The following TPPP variants were observed in gnomAD, a reference collection of about 807,000 sequenced individuals.
The protein encoded by TPPP is tubulin polymerization-promoting protein.
Under a neutral mutation model 15.5 loss-of-function variants are expected in TPPP, and 6 were observed. The observed-to-expected ratio is 0.39, with a 90% CI of 0.21 to 0.77. The LOEUF is 0.77. TPPP is among the 30% of genes least tolerant of loss of function. The pLI is 0.42. For missense variants in TPPP, 269 were observed against 307.2 expected (o/e 0.88, Z 0.93); for synonymous variants, 146 against 133.9 (o/e 1.09, Z -0.63).
At chr5:667,977 C>CTGG (rs530410964) in intron 2 of TPPP, among the ~76,000 whole-genome samples, 1 of 48,520 alleles carries the variant, frequency 2.1e-5, no homozygotes, top group East Asian at 5.3e-4. Flanking sequence ...GACAAGCACA[C>CTGG]AGAGAGGGGG....
rs1404319700 is a variant in TPPP at position 664,925 on chromosome 5, T to C, written c.*177A>G. The C allele has an allele frequency of 1.5e-6, 1 of 677,646 alleles. No homozygotes were observed. The allele number at this position is 677,646 out of a possible 1,614,324, so 42.0% of individuals were successfully genotyped here. A position where few individuals can be genotyped will look rare whatever the true frequency, so the allele number is the denominator to read the frequency against. ...CAAACCTGGTTTGAGAGGGGAGTGCTGGGGGCATCCGGTAGGAGGAGGGGC... is the reference window on the plus strand; with the variant it reads ...CAAACCTGGTTTGAGAGGGGAGTGCCGGGGGCATCCGGTAGGAGGAGGGGC... On this transcript the variant is annotated 3_prime_UTR_variant, in exon 4 of 4. Coordinates refer to ENST00000360578, the MANE Select transcript of TPPP (RefSeq NM_007030.3).
At chr5:671,438 C>T (rs558483749) in intron 2 of TPPP, among the ~76,000 whole-genome samples, 1 of 152,302 alleles carries the variant, frequency 6.6e-6, no homozygotes, top group Admixed American at 6.5e-5. Context: ...GGGCTTTGGT[C>T]TGTGCACCTG....
chr5:694,266 C>G (rs114467447), upstream of TPPP, among the ~76,000 whole-genome samples: 9,723 of 149,766 alleles, frequency 0.065, 327 homozygotes, highest in African/African-American at 0.23. Context: ...CAGGGCGGTT[C>G]TGTGGTGCTG....
chr5:668,936 C>G (rs1010701167), intron 2 of TPPP, among the ~76,000 whole-genome samples: 1 of 152,186 alleles, frequency 6.6e-6, no homozygotes, highest in East Asian at 1.9e-4. Flanking sequence ...GGGTGATTCC[C>G]AGACCCCAAG....
rs3762954 is a variant in TPPP at position 662,840 on chromosome 5, T to C, written c.*2262A>G. Reference sequence around the variant, plus strand: ...GGGCTTTGGAGTTGTGATGGGCTGTTATCGGGTGATTCCGGTGGCCACTCG... The same window carrying C: ...GGGCTTTGGAGTTGTGATGGGCTGTCATCGGGTGATTCCGGTGGCCACTCG... On this transcript the variant is annotated 3_prime_UTR_variant, in exon 4 of 4. Transcript: ENST00000360578. 29,080 of 125,862 alleles carry C rather than the reference T, an allele frequency of 0.23. 4,073 individuals are homozygous for C. Among genetic ancestry groups the C allele is most frequent in the Admixed American group, 0.28 (3,351 of 11,828 alleles). 7.8% of individuals were successfully genotyped at this position (125,862 alleles called of 1,614,324 possible).
At chr5:686,201 G>A (rs35667696) in intron 1 of TPPP, among the ~76,000 whole-genome samples, 2,561 of 152,324 alleles carry the variant, frequency 0.017, 56 homozygotes, top group African/African-American at 0.058. Flanking sequence ...TAGAGATCCC[G>A]GCTGGCTCAT....
At chr5:699,177 C>T in the TPPP span, among the ~76,000 whole-genome samples, 2 of 152,058 alleles carry the variant, frequency 1.3e-5, no homozygotes, top group Non-Finnish European at 2.9e-5. Context: ...CCCAACTAGC[C>T]AAAGCAATCC....
chr5:697,166 G>T (rs1219013462), upstream of TPPP, among the ~76,000 whole-genome samples: 1 of 143,504 alleles, frequency 7.0e-6, no homozygotes, highest in African/African-American at 2.5e-5. Context: ...CAGGTTCCGG[G>T]TCTTGCTGCC....
At chr5:677,603 G>T in intron 2 of TPPP, 147 bp downstream of exon 2, 1 of 700,406 alleles carries the variant, frequency 1.4e-6, no homozygotes, top group Non-Finnish European at 2.2e-6. Context: ...AGGCTCCCAT[G>T]TCAGGGCTGC....
upstream of TPPP, among the ~76,000 whole-genome samples, chr5:694,199 G>C (rs1211255932): frequency 2.6e-5 from 4 of 151,642 alleles, no homozygotes; most frequent in Non-Finnish European, 5.9e-5. Context: ...ATTCCGCCCG[G>C]GGCTGCCCGG....
Position 676,826 on chromosome 5 carries a change from G to GA in TPPP, c.311+923_311+924insT, listed in dbSNP as rs1561088241. Among the ~76,000 whole-genome samples the GA allele has an allele frequency of 8.8e-4, 88 of 100,390 alleles. No individual in the cohort carries two copies. The African/African-American group carries it at 0.012, about 14-fold the overall frequency. 65.9% of individuals were successfully genotyped at this position (100,390 alleles called of 152,430 possible). On this transcript the variant is annotated intron_variant, in intron 2 of 3. Transcript: ENST00000360578. Reference sequence around the variant, plus strand: ...CACATGCAGAAACACATGCACACATGCGCACACGTGCACACACGACACAGA... The same window carrying GA: ...CACATGCAGAAACACATGCACACATGACGCACACGTGCACACACGACACAGA...
At chr5:671,431 CT>C (rs1436484698) in intron 2 of TPPP, among the ~76,000 whole-genome samples, 6 of 152,172 alleles carry the variant, frequency 3.9e-5, no homozygotes, top group African/African-American at 1.4e-4. Context: ...CTGGGCAGGG[CT>C]TTGGTCTGTG....
intron 1 of TPPP, among the ~76,000 whole-genome samples, chr5:683,245 G>A (rs1740675606): frequency 6.6e-6 from 1 of 151,828 alleles, no homozygotes; most frequent in Non-Finnish European, 1.5e-5. Flanking sequence ...GCACCCGATG[G>A]CCTCATGCAG....
intron 3 of TPPP, 32 bp downstream of exon 3, chr5:665,938 C>CCCCCCCCCCCCCAA: frequency 7.3e-7 from 1 of 1,366,602 alleles, no homozygotes; most frequent in Non-Finnish European, 9.7e-7. Context: ...CCACCCCCTC[C>CCCCCCCCCCCCCAA]AGGCCCCGCC....
rs1161979507 is a variant in TPPP, at chr5:664,670, T to G, written c.*432A>C. 1.1e-5 allele frequency: 2 copies of G among 176,620 alleles called. No homozygotes were observed. The highest frequency in any genetic ancestry group is 2.4e-5 in the African/African-American group (1 of 42,066). The allele number at this position is 176,620 out of a possible 1,614,324, so 10.9% of individuals were successfully genotyped here. On this transcript the variant is annotated 3_prime_UTR_variant, in exon 4 of 4. Coordinates refer to ENST00000360578, the MANE Select transcript of TPPP (RefSeq NM_007030.3). ...CTCCCACGTCCGGTGTGGGGCCAAT[T>G]CCGTGTTAGTTGCCTGCTGGTTGGG...
Position 666,129 on chromosome 5 carries a change from G to GGGGCACAGGCGACTGA in TPPP, c.312-7_312-6insTCAGTCGCCTGTGCCC, listed in dbSNP as rs1739900609. 3 of 1,606,620 alleles carry GGGGCACAGGCGACTGA rather than the reference G, an allele frequency of 1.9e-6. No homozygotes were observed. In the East Asian group the frequency reaches 6.7e-5, roughly 36 times the overall value. The stretch of plus-strand genomic sequence containing the variant: ...TGGTCCGGCAAGACTTCCCTCTACA[G>GGGGCACAGGCGACTGA]GGGCACAGGCGACTTAGGGCTGGGC... On this transcript the variant is annotated splice_polypyrimidine_tract_variant and splice_region_variant and intron_variant, in intron 2 of 3. Transcript: ENST00000360578.
At chr5:693,422 CG>C (rs1206399885), upstream of TPPP, 4 of 140,204 alleles carry the variant, frequency 2.9e-5, no homozygotes, top group East Asian at 3.9e-4. Flanking sequence ...GTCCCGGGCC[CG>C]CCCCCGGCCC....
intron 2 of TPPP, 36 bp downstream of exon 2, chr5:677,714 G>T: frequency 6.6e-7 from 1 of 1,516,000 alleles, no homozygotes; most frequent in Non-Finnish European, 8.8e-7. Context: ...ACCCCCGTAA[G>T]TCAGGTCCCT....
intron 1 of TPPP, among the ~76,000 whole-genome samples, chr5:681,956 G>A (rs1371373989): frequency 1.3e-5 from 2 of 151,982 alleles, no homozygotes; most frequent in East Asian, 1.9e-4. Flanking sequence ...GCGGGGCTTC[G>A]TCCCAGACAC....
Sources: allele counts gnomAD v4.1 joint callset (sites outside exome capture counted in the v4.1 genomes callset), GRCh38; gene constraint gnomAD v4.1.1; transcripts MANE v1.5; gene names NCBI Gene and HGNC (gene_info 2026-07-23, HGNC 2026-07-21).